Variants in RXRA observed in about 807,000 individuals in gnomAD.
RXRA encodes retinoid X receptor alpha.
Under a neutral mutation model 44.5 loss-of-function variants are expected in RXRA, and 5 were observed. The ratio of observed to expected loss-of-function variants is 0.11; its 90% CI spans 0.06 to 0.24. The LOEUF (loss-of-function observed/expected upper bound fraction) is 0.24, where lower values mean the gene tolerates loss of function less well. RXRA is among the 10% of genes least tolerant of loss of function. The pLI, the probability that RXRA is intolerant of heterozygous loss-of-function variation, is 1.00. For synonymous variants in RXRA, 291 were observed against 271.4 expected (o/e 1.07, Z -0.71); for missense variants, 412 against 646.5 (o/e 0.64, Z 3.93).
intron 1 of RXRA, among the ~76,000 whole-genome samples, chr9:134,372,400 G>A (rs112470777): frequency 3.9e-5 from 6 of 152,186 alleles, no homozygotes; most frequent in African/African-American, 1.4e-4. Flanking sequence ...GTGGAGTGGG[G>A]GCCGCAGGCG....
rs528700952 is a variant in RXRA at position 134,349,331 on chromosome 9, C to T, written c.28+22672C>T. Among the ~76,000 whole-genome samples the T allele has an allele frequency of 3.3e-4, 50 of 152,264 alleles. No individual in the cohort carries two copies. The highest frequency in any genetic ancestry group is 1.1e-3 in the African/African-American group (46 of 41,556). On this transcript the variant is annotated intron_variant, in intron 1 of 9. Coordinates refer to ENST00000481739, the MANE Select transcript of RXRA (RefSeq NM_002957.6). This position sits in a 1 kb window ranked among gnomAD's most constrained non-coding sequence, Gnocchi z 4.3. ...GGTGTCATTGGTGGGCCTGTTGGGCCGGGGCGCCTCGGCCTGGTGGAGGGC... is the reference window on the plus strand; with the variant it reads ...GGTGTCATTGGTGGGCCTGTTGGGCTGGGGCGCCTCGGCCTGGTGGAGGGC...
chr9:134,386,017 G>A (rs933564324), intron 1 of RXRA, among the ~76,000 whole-genome samples: 1 of 152,266 alleles, frequency 6.6e-6, no homozygotes, highest in Non-Finnish European at 1.5e-5. Context: ...CTTCCAAGAA[G>A]CTCTTGGCTT....
chr9:134,423,478 TTGCTTG>T, intron 6 of RXRA: 1 of 985,410 alleles, frequency 1.0e-6, no homozygotes, highest in Non-Finnish European at 1.2e-6. Context: ...GTTCTGGAAG[TTGCTTG>T]GGTCAGGGCT....
At chr9:134,428,965 A>T in intron 6 of RXRA, 143 bp from the exon 7 acceptor site, 1 of 979,880 alleles carries the variant, frequency 1.0e-6, no homozygotes, top group South Asian at 1.6e-5. Flanking sequence ...TTTTCTGTGG[A>T]ACACTTCATG....
intron 1 of RXRA, among the ~76,000 whole-genome samples, chr9:134,399,749 G>GT (rs2119137655): frequency 6.6e-6 from 1 of 152,342 alleles, no homozygotes; most frequent in South Asian, 2.1e-4. Context: ...TTTCCAGTGG[G>GT]TCAGACAAGG....
intron 1 of RXRA, among the ~76,000 whole-genome samples, chr9:134,382,184 C>G (rs978731462): frequency 1.3e-5 from 2 of 151,666 alleles, no homozygotes; most frequent in Non-Finnish European, 2.9e-5. Flanking sequence ...TAAGGTTACC[C>G]TCCCCCTGGG....
At position 134,401,698 on chromosome 9, in the gene RXRA, C is replaced by G. The variant is rs761885700; in HGVS notation, c.95C>G (p.Ser32Trp). ...GGGCGAGGCTCCATGGCTGCCCCCTCGCTGCACCCGTCCCTGGGGCCTGGC... is the reference window on the plus strand; with the variant it reads ...GGGCGAGGCTCCATGGCTGCCCCCTGGCTGCACCCGTCCCTGGGGCCTGGC... ...PTGRGSMAAPSLHPSLGPGIG... is the reference protein window; with the variant it reads ...PTGRGSMAAPWLHPSLGPGIG... Residue 32 changes from serine to tryptophan, a missense_variant, in exon 2 of 10, where the codon TCG (serine) becomes TGG (tryptophan). Coordinates refer to ENST00000481739, the MANE Select transcript of RXRA (RefSeq NM_002957.6). The G allele has an allele frequency of 4.3e-6, 7 of 1,612,972 alleles. No individual in the cohort carries two copies. The highest frequency in any genetic ancestry group is 5.9e-6 in the Non-Finnish European group (7 of 1,179,990).
chr9:134,374,914 G>T (rs1047011877), intron 1 of RXRA, among the ~76,000 whole-genome samples: 2 of 152,194 alleles, frequency 1.3e-5, no homozygotes, highest in Admixed American at 1.3e-4. Flanking sequence ...TCTGTACTTG[G>T]CACCTGCTAT....
chr9:134,332,111 G>T (rs1311593382), intron 1 of RXRA, among the ~76,000 whole-genome samples: 1 of 152,216 alleles, frequency 6.6e-6, no homozygotes, highest in Non-Finnish European at 1.5e-5. Flanking sequence ...TCACTCCAGG[G>T]TTGTCCTTGG....
At chr9:134,388,890 G>A (rs1830759474) in intron 1 of RXRA, among the ~76,000 whole-genome samples, 1 of 152,192 alleles carries the variant, frequency 6.6e-6, no homozygotes, top group South Asian at 2.1e-4. Context: ...TCCCTGCTTG[G>A]TGGGGGCTGC....
In RXRA at chr9:134,326,583, C is replaced by T. The variant is rs1834913664; in HGVS notation, c.-49C>T. ...CCGGCCGCGCCGGGGGCCGCCGCGC[C>T]CGCCGCCCGCTGCCTGCGCCGCCGG... On this transcript the variant is annotated 5_prime_UTR_variant, in exon 1 of 10. Coordinates refer to ENST00000481739, the MANE Select transcript of RXRA (RefSeq NM_002957.6). 4 of 824,496 alleles carry T rather than the reference C, an allele frequency of 4.9e-6. No homozygotes were observed. The highest frequency in any genetic ancestry group is 5.8e-6 in the Non-Finnish European group (4 of 688,142). The allele number at this position is 824,496 out of a possible 1,614,324, so 51.1% of individuals were successfully genotyped here. A position where few individuals can be genotyped will look rare whatever the true frequency, so the allele number is the denominator to read the frequency against.
chr9:134,336,449 C>T (rs886486327), intron 1 of RXRA, among the ~76,000 whole-genome samples: 11 of 152,198 alleles, frequency 7.2e-5, no homozygotes, highest in East Asian at 3.9e-4. Flanking sequence ...ACTTGGAGCA[C>T]GTTCCTTCTT....
At chr9:134,364,182 C>G (rs943835001) in intron 1 of RXRA, among the ~76,000 whole-genome samples, 5 of 152,236 alleles carry the variant, frequency 3.3e-5, no homozygotes, top group Non-Finnish European at 5.9e-5. Context: ...ACTTCCCACT[C>G]AGTGGGGTGA....
At chr9:134,388,114 CAGG>C (rs1483311034) in intron 1 of RXRA, among the ~76,000 whole-genome samples, 1 of 151,598 alleles carries the variant, frequency 6.6e-6, no homozygotes, top group Non-Finnish European at 1.5e-5. Context: ...AGAAGTTTTC[CAGG>C]TCAGCTTTCT....
chr9:134,417,425 C>T lies in RXRA; in HGVS notation c.780+98C>T. The T allele has an allele frequency of 1.4e-6, 2 of 1,416,286 alleles. No homozygotes were observed. The highest frequency in any genetic ancestry group is 1.9e-6 in the Non-Finnish European group (2 of 1,040,442). The allele number at this position is 1,416,286 out of a possible 1,614,324, so 87.7% of individuals were successfully genotyped here. A position where few individuals can be genotyped will look rare whatever the true frequency, so the allele number is the denominator to read the frequency against. ...TGAGCAGCTGATGAGCCAGAGAGGT[C>T]CTGGGGGCTGCCCTGGGCCCTGTGG... On this transcript the variant is annotated intron_variant, in intron 5 of 9. Transcript: ENST00000481739. The surrounding 1 kb of genome is among the most constrained non-coding windows in gnomAD (Gnocchi z 6.1).
chr9:134,392,519 C>A (rs573902984), intron 1 of RXRA, among the ~76,000 whole-genome samples: 1 of 152,188 alleles, frequency 6.6e-6, no homozygotes, highest in Non-Finnish European at 1.5e-5. Context: ...GCTGGACAGG[C>A]CTGGCCCCAG....
chr9:134,434,725 G>A (rs1831587482), intron 9 of RXRA, among the ~76,000 whole-genome samples: 1 of 152,252 alleles, frequency 6.6e-6, no homozygotes, highest in Non-Finnish European at 1.5e-5. Flanking sequence ...TGAGTCCACA[G>A]TGCTGGGTGC....
chr9:134,368,920 T>C (rs1368718497), intron 1 of RXRA, among the ~76,000 whole-genome samples: 2 of 127,782 alleles, frequency 1.6e-5, no homozygotes, highest in Non-Finnish European at 3.2e-5. Context: ...GTTGTGTGTG[T>C]GTGTGAGTGC....
chr9:134,417,046 TG>T lies in RXRA; in HGVS notation c.611-110del. 1 of 1,122,732 alleles carries T rather than the reference TG, an allele frequency of 8.9e-7. No homozygotes were observed. 69.5% of individuals were successfully genotyped at this position (1,122,732 alleles called of 1,614,324 possible). A position where few individuals can be genotyped will look rare whatever the true frequency, so the allele number is the denominator to read the frequency against. On this transcript the variant is annotated intron_variant, in intron 4 of 9. Coordinates refer to ENST00000481739, the MANE Select transcript of RXRA (RefSeq NM_002957.6). The surrounding 1 kb of genome is among the most constrained non-coding windows in gnomAD (Gnocchi z 6.1). ...CATCACCCAGTGCTGGTGGGGATGCTGGTGTTGTGGGTGAGTTGGCTGGGAG... is the reference window on the plus strand; with the variant it reads ...CATCACCCAGTGCTGGTGGGGATGCTGTGTTGTGGGTGAGTTGGCTGGGAG...
Sources: allele counts gnomAD v4.1 joint callset (sites outside exome capture counted in the v4.1 genomes callset), GRCh38; gene constraint gnomAD v4.1.1; non-coding constraint Gnocchi (gnomAD v3.1); transcripts MANE v1.5; gene names NCBI Gene and HGNC (gene_info 2026-07-23, HGNC 2026-07-21).